PKNOX2: variants seen among roughly 807,000 people sequenced by gnomAD.
The protein encoded by PKNOX2 is PBX/knotted 1 homeobox 2.
PKNOX2 carries 14 observed loss-of-function variants against 53.1 expected under a neutral mutation model. The observed-to-expected ratio is 0.26, with a 90% CI of 0.17 to 0.41. The LOEUF is 0.41. Ranked by LOEUF, PKNOX2 falls within the 10% of genes least tolerant of loss-of-function variation. The pLI is 1.00. For missense variants in PKNOX2, 496 were observed against 602.8 expected, an observed-to-expected ratio of 0.82 and a Z score of 1.85; for synonymous variants, 257 against 242.8, an observed-to-expected ratio of 1.06 and a Z score of -0.54.
intron 1 of PKNOX2, among the ~76,000 whole-genome samples, chr11:125,173,646 T>C (rs1368312446): frequency 6.6e-6 from 1 of 152,236 alleles, no homozygotes; most frequent in East Asian, 1.9e-4. Flanking sequence ...CAGTCTCAGG[T>C]GGGGCTGGGA....
intron 1 of PKNOX2, chr11:125,189,843 A>G (rs2135337587): frequency 6.6e-6 from 1 of 151,852 alleles, no homozygotes; most frequent in Non-Finnish European, 1.5e-5. Flanking sequence ...CCTGGTCTAT[A>G]TAATAACTAT....
chr11:125,381,373 C>T (rs1272827257), intron 5 of PKNOX2, among the ~76,000 whole-genome samples: 1 of 152,098 alleles, frequency 6.6e-6, no homozygotes, highest in African/African-American at 2.4e-5. Flanking sequence ...CCTCAGGTTG[C>T]AGAGCAGCTG....
intron 3 of PKNOX2, among the ~76,000 whole-genome samples, chr11:125,344,244 G>A (rs1346807521): frequency 6.6e-6 from 1 of 152,170 alleles, no homozygotes; most frequent in Non-Finnish European, 1.5e-5. Flanking sequence ...ACCACAGTGA[G>A]GACATATTGT....
At chr11:125,187,235 C>T (rs751059185) in intron 1 of PKNOX2, among the ~76,000 whole-genome samples, 4 of 151,450 alleles carry the variant, frequency 2.6e-5, no homozygotes, top group Non-Finnish European at 5.9e-5. Context: ...TTAACTTTTC[C>T]GTTTTTTTTC....
intron 2 of PKNOX2, among the ~76,000 whole-genome samples, chr11:125,297,782 G>A (rs531089193): frequency 2.6e-5 from 4 of 152,098 alleles, no homozygotes; most frequent in Admixed American, 2.0e-4. Flanking sequence ...CTCTCTCCCC[G>A]CACACTATTT....
chr11:125,199,983 A>G (rs1459440507), intron 1 of PKNOX2, among the ~76,000 whole-genome samples: 2 of 152,216 alleles, frequency 1.3e-5, no homozygotes, highest in Non-Finnish European at 2.9e-5. Flanking sequence ...ACCTCAGTCC[A>G]TCACCCATGG....
chr11:125,226,921 G>C (rs1053238773), intron 1 of PKNOX2, among the ~76,000 whole-genome samples: 1 of 151,824 alleles, frequency 6.6e-6, no homozygotes, highest in African/African-American at 2.4e-5. Context: ...ACTTCTCCCC[G>C]CTGGGGCTGG....
chr11:125,239,457 T>G (rs1942985751), intron 2 of PKNOX2, among the ~76,000 whole-genome samples: 1 of 152,182 alleles, frequency 6.6e-6, no homozygotes, highest in Non-Finnish European at 1.5e-5. Context: ...TCCTCATTTT[T>G]TATTTCAGTT....
chr11:125,431,562 C>A lies in PKNOX2; in HGVS notation c.*170C>A. 6.4e-6 allele frequency: 5 copies of A among 776,486 alleles called. No individual in the cohort carries two copies. The East Asian group carries it at 8.2e-5, about 13-fold the overall frequency. 48.1% of individuals were successfully genotyped at this position (776,486 alleles called of 1,614,324 possible). The stretch of plus-strand genomic sequence containing the variant: ...AAAGGAGACACCTGTTCCTTCCCAA[C>A]CACCGAGCTTCAATGAGGACCCCAG... On this transcript the variant is annotated 3_prime_UTR_variant, in exon 13 of 13. Transcript: ENST00000298282.
At chr11:125,429,683 C>T (rs1160761722) in intron 11 of PKNOX2, among the ~76,000 whole-genome samples, 1 of 152,164 alleles carries the variant, frequency 6.6e-6, no homozygotes, top group South Asian at 2.1e-4. Flanking sequence ...GTGCCTATGA[C>T]TACCATGCTC....
At chr11:125,302,316 A>G (rs535190354) in intron 2 of PKNOX2, among the ~76,000 whole-genome samples, 1 of 152,334 alleles carries the variant, frequency 6.6e-6, no homozygotes, top group Non-Finnish European at 1.5e-5. Context: ...CTCTCCAGCC[A>G]TGCACTGACC....
At chr11:125,312,134 A>G (rs887560771) in intron 2 of PKNOX2, among the ~76,000 whole-genome samples, 2 of 152,148 alleles carry the variant, frequency 1.3e-5, no homozygotes, top group Non-Finnish European at 2.9e-5. Flanking sequence ...CTTTCCTCCT[A>G]CAAGGGGGAG....
chr11:125,191,952 A>G (rs1405631830), intron 1 of PKNOX2, among the ~76,000 whole-genome samples: 2 of 152,210 alleles, frequency 1.3e-5, no homozygotes, highest in African/African-American at 4.8e-5. Context: ...CGCGCTGTCA[A>G]TAGAGCTGTT....
At chr11:125,255,717 T>G in intron 2 of PKNOX2, among the ~76,000 whole-genome samples, 6 of 144,526 alleles carry the variant, frequency 4.2e-5, no homozygotes, top group Non-Finnish European at 7.6e-5. Flanking sequence ...TGTTGGGAGG[T>G]GGGGGGCAAG....
At chr11:125,289,922 C>A (rs1388553501) in intron 2 of PKNOX2, among the ~76,000 whole-genome samples, 2 of 152,214 alleles carry the variant, frequency 1.3e-5, no homozygotes, top group East Asian at 3.8e-4. Context: ...GCAGCAGCAC[C>A]AGCCCTTGAG....
chr11:125,430,517 A>T (rs1440636412), intron 12 of PKNOX2, among the ~76,000 whole-genome samples: 1 of 152,162 alleles, frequency 6.6e-6, no homozygotes, highest in Non-Finnish European at 1.5e-5. Context: ...GGCCAGGAAG[A>T]GCTCTGTTTT....
At position 125,327,947 on chromosome 11, in the gene PKNOX2, G is replaced by A. The variant is rs1949922044; in HGVS notation, c.-129-3872G>A. 3.9e-5 allele frequency among the ~76,000 whole-genome samples: 6 copies of A among 152,336 alleles called. No homozygotes were observed. The South Asian group carries it at 1.2e-3, about 32-fold the overall frequency. ...TGTTTTATTCCCTGAGTGGAGAACA[G>A]GGTCAGCTTCTTTCCCTAATATTGG... On this transcript the variant is annotated intron_variant, in intron 2 of 12. Coordinates refer to ENST00000298282, the MANE Select transcript of PKNOX2 (RefSeq NM_001382323.2).
intron 9 of PKNOX2, chr11:125,411,480 C>G: frequency 2.4e-6 from 1 of 412,698 alleles, no homozygotes; most frequent in Non-Finnish European, 4.6e-6. Flanking sequence ...CTCTCTCTCT[C>G]TCTCTCTCTC....
At chr11:125,398,172 G>T in intron 7 of PKNOX2, 110 bp downstream of exon 7, 1 of 1,187,368 alleles carries the variant, frequency 8.4e-7, no homozygotes, top group Non-Finnish European at 1.2e-6. Context: ...AGACCCACTG[G>T]GTTCCTTTGC....
Sources: allele counts gnomAD v4.1 joint callset (sites outside exome capture counted in the v4.1 genomes callset), GRCh38; gene constraint gnomAD v4.1.1; transcripts MANE v1.5; gene names NCBI Gene and HGNC (gene_info 2026-07-23, HGNC 2026-07-21).